Variants in MPP4 observed in about 807,000 individuals in gnomAD.
The protein encoded by MPP4 is MAGUK p55 scaffold protein 4.
In MPP4, 91 loss-of-function variants were observed where a neutral mutation model predicts 98.3. The ratio of observed to expected loss-of-function variants is 0.93; its 90% CI spans 0.78 to 1.10. The LOEUF is 1.10. Ranked by LOEUF, MPP4 falls within the 50% of genes least tolerant of loss-of-function variation. MPP4 has a pLI of 0.00. For synonymous variants in MPP4, 261 were observed against 271.8 expected (o/e 0.96, Z 0.39); for missense variants, 744 against 792.9 (o/e 0.94, Z 0.74).
chr2:201,680,553 T>G, intron 10 of MPP4: 1 of 324,038 alleles, frequency 3.1e-6, no homozygotes, highest in East Asian at 5.6e-5. Flanking sequence ...AACATATGAA[T>G]TTTGGAGAGG....
In MPP4 at chr2:201,675,140, T is replaced by C. The variant is rs529299286; in HGVS notation, c.994+67A>G. On this transcript the variant is annotated intron_variant, in intron 11 of 21. Coordinates refer to ENST00000409474, the MANE Select transcript of MPP4 (RefSeq NM_033066.3). ...CCAGCCTCACATCAATTAGACTCTTTATTTACTGCAATGCCATGGTCTTTA... is the reference window on the plus strand; with the variant it reads ...CCAGCCTCACATCAATTAGACTCTTCATTTACTGCAATGCCATGGTCTTTA... The C allele has an allele frequency of 1.6e-5, 24 of 1,498,604 alleles. No homozygotes were observed. In the African/African-American group the frequency reaches 1.8e-4, roughly 11 times the overall value. The allele number at this position is 1,498,604 out of a possible 1,614,324, so 92.8% of individuals were successfully genotyped here.
chr2:201,665,796 G>T (rs974424443), intron 13 of MPP4: 2 of 152,074 alleles, frequency 1.3e-5, no homozygotes, highest in Non-Finnish European at 2.9e-5. Flanking sequence ...CAAAATCCTA[G>T]TGATTCTTAA....
intron 7 of MPP4, among the ~76,000 whole-genome samples, 193 bp downstream of exon 7, chr2:201,684,871 C>G (rs1688772582): frequency 6.6e-6 from 1 of 151,332 alleles, no homozygotes; most frequent in Admixed American, 6.6e-5. Context: ...AATGGCAAAC[C>G]CCAGAGGTGG....
chr2:201,687,389 A>T lies in MPP4; in HGVS notation c.280-18T>A, dbSNP rs758190431. 3 of 1,550,814 alleles carry T rather than the reference A, an allele frequency of 1.9e-6. No homozygotes were observed. The highest frequency in any genetic ancestry group is 1.4e-5 in the African/African-American group (1 of 73,022). On this transcript the variant is annotated intron_variant, in intron 4 of 21. Transcript: ENST00000409474. ...TCCACTACCTGGTTCATGGAAAAGG[A>T]TACATTATAAAAATTTTAAAAAATC...
In MPP4 at chr2:201,677,202, T is replaced by C. The variant is rs561962618; in HGVS notation, c.930-1931A>G. ...TCAGCTTCCTCTCTAGGCTTCACCC[T>C]GGCCTTTCTCCTCTGGGAGCTCCTG... On this transcript the variant is annotated intron_variant, in intron 10 of 21. Transcript: ENST00000409474. 5.3e-5 allele frequency among the ~76,000 whole-genome samples: 8 copies of C among 152,330 alleles called. No homozygotes were observed. In the South Asian group the frequency reaches 1.0e-3, roughly 20 times the overall value.
intron 13 of MPP4, 150 bp from the exon 14 acceptor site, chr2:201,664,251 G>T (rs1370252805): frequency 1.3e-6 from 2 of 1,486,648 alleles, no homozygotes; most frequent in East Asian, 5.3e-5. Context: ...CGAATCGATG[G>T]TGTCTCTATG....
At chr2:201,679,038 T>G (rs1385289097) in intron 10 of MPP4, among the ~76,000 whole-genome samples, 1 of 151,594 alleles carries the variant, frequency 6.6e-6, no homozygotes, top group South Asian at 2.1e-4. Context: ...AACAGCAATC[T>G]CTCCTTAATT....
At chr2:201,670,879 G>C (rs888191242) in intron 11 of MPP4, among the ~76,000 whole-genome samples, 2 of 152,220 alleles carry the variant, frequency 1.3e-5, no homozygotes, top group Admixed American at 6.5e-5. Flanking sequence ...CACTGGGACT[G>C]GCTAGATAGT....
intron 11 of MPP4, among the ~76,000 whole-genome samples, chr2:201,670,287 G>A (rs1196731745): frequency 6.6e-6 from 1 of 152,114 alleles, no homozygotes; most frequent in Non-Finnish European, 1.5e-5. Flanking sequence ...TTTTTGGGGG[G>A]AGGAGGGTAT....
intron 1 of MPP4, 77 bp from the exon 2 acceptor site, chr2:201,694,131 C>G: frequency 1.4e-6 from 2 of 1,396,994 alleles, no homozygotes; most frequent in South Asian, 2.9e-5. Flanking sequence ...TCAAATGAAA[C>G]ACAGTCTTCC....
Position 201,680,143 on chromosome 2 carries a change from C to CA in MPP4, c.929+694dup, listed in dbSNP as rs1225983342. ...TGCACGCCCTCCCTTGGTAGCTTGT[C>CA]AAAACTCAGTAGCATAAGGTGAGGG... On this transcript the variant is annotated intron_variant, in intron 10 of 21. Coordinates refer to ENST00000409474, the MANE Select transcript of MPP4 (RefSeq NM_033066.3). 1.6e-4 allele frequency: 24 copies of CA among 152,200 alleles called. 1 individual carries two copies. The highest frequency in any genetic ancestry group is 5.8e-4 in the African/African-American group (24 of 41,424). The allele number at this position is 152,200 out of a possible 1,614,324, so 9.4% of individuals were successfully genotyped here.
intron 4 of MPP4, among the ~76,000 whole-genome samples, chr2:201,687,649 A>C (rs564411891): frequency 6.6e-6 from 1 of 152,280 alleles, no homozygotes; most frequent in East Asian, 1.9e-4. Context: ...GGATGTACCA[A>C]TTTGGTAACA....
At chr2:201,696,859 A>C (rs958818429) in intron 1 of MPP4, among the ~76,000 whole-genome samples, 6 of 152,198 alleles carry the variant, frequency 3.9e-5, no homozygotes, top group Non-Finnish European at 4.4e-5. Flanking sequence ...TAATTACAGT[A>C]ATCTACAACT....
chr2:201,690,302 G>A (rs1688973660), intron 3 of MPP4, 23 bp from the exon 4 acceptor site: 1 of 1,494,590 alleles, frequency 6.7e-7, no homozygotes, highest in Admixed American at 1.8e-5. Context: ...AAGGGAGGGA[G>A]AATTGATATT....
At position 201,658,511 on chromosome 2, in the gene MPP4, C is replaced by T. The variant is rs1197978494; in HGVS notation, c.1095G>A (p.Glu365=). The change falls in exon 16 of 22, where the codon GAG becomes GAA. Residue 365 remains glutamate, a synonymous_variant. Coordinates refer to ENST00000409474, the MANE Select transcript of MPP4 (RefSeq NM_033066.3). ...ACTTCTGACCGTAGCCAACAAACTC[C>T]TCCTTGTCTGAAACACAAAGAACAG... ...FESEELSEDK[E]EFVGYGQKFF... is the part of the protein sequence containing the mutation. 1 of 1,613,044 alleles carries T rather than the reference C, an allele frequency of 6.2e-7. No homozygotes were observed. The highest frequency in any genetic ancestry group is 1.1e-5 in the South Asian group (1 of 90,768).
intron 11 of MPP4, among the ~76,000 whole-genome samples, chr2:201,672,302 C>T (rs964647096): frequency 6.6e-6 from 1 of 152,134 alleles, no homozygotes; most frequent in Admixed American, 6.5e-5. Context: ...CAAGAAAGAT[C>T]CAAAATCGAA....
chr2:201,661,480 C>G (rs541041564), intron 14 of MPP4: 1 of 456,406 alleles, frequency 2.2e-6, no homozygotes, highest in East Asian at 6.9e-5. Flanking sequence ...GGGTTCAGAA[C>G]GTATCGATGC....
At chr2:201,675,010 G>T in intron 11 of MPP4, 197 bp downstream of exon 11, 1 of 702,662 alleles carries the variant, frequency 1.4e-6, no homozygotes, top group Non-Finnish European at 2.6e-6. Flanking sequence ...CCACTGAATA[G>T]CCACCACCCC....
At position 201,654,847 on chromosome 2, in the gene MPP4, A is replaced by C. The variant is rs769370615; in HGVS notation, c.1371T>G (p.Ser457Arg). 9 of 1,602,654 alleles carry C rather than the reference A, an allele frequency of 5.6e-6. No individual in the cohort carries two copies. Among genetic ancestry groups the C allele is most frequent in the Non-Finnish European group, 7.7e-6 (9 of 1,174,358 alleles). Residue 457 changes from serine to arginine, a missense_variant, in exon 18 of 22, where the codon AGT becomes AGG. Ser to Arg is a moderately radical substitution (Grantham distance 110). Coordinates refer to ENST00000409474, the MANE Select transcript of MPP4 (RefSeq NM_033066.3). ...CAGAACTAAACATACGTGGCACAGCACTTTGAAAATGGCTGGGATTAAATT... is the reference window on the plus strand; with the variant it reads ...CAGAACTAAACATACGTGGCACAGCCCTTTGAAAATGGCTGGGATTAAATT... ...LIEFNPSHFQ[S>R]AVPHTTRTKK...
Sources: allele counts gnomAD v4.1 joint callset (sites outside exome capture counted in the v4.1 genomes callset), GRCh38; gene constraint gnomAD v4.1.1; transcripts MANE v1.5; gene names NCBI Gene and HGNC (gene_info 2026-07-23, HGNC 2026-07-21).